Variants in MAST2 observed in about 807,000 individuals in gnomAD.
MAST2 encodes the protein microtubule-associated serine/threonine-protein kinase 2.
In MAST2, 70 loss-of-function variants were observed where a neutral mutation model predicts 147.4. The ratio of observed to expected loss-of-function variants is 0.47; its 90% confidence interval spans 0.39 to 0.58. The LOEUF is 0.58. Among genes scored for constraint, MAST2 ranks in the 20% least tolerant of loss-of-function variants. The pLI, the probability that MAST2 is intolerant of heterozygous loss-of-function variation, is 0.00. For missense variants in MAST2, 2,080 were observed against 2,302.3 expected, an observed-to-expected ratio of 0.90 and a Z score of 1.98; for synonymous variants, 869 against 896.8, an observed-to-expected ratio of 0.97 and a Z score of 0.55.
chr1:45,927,997 A>G (rs1002472912), intron 4 of MAST2, among the ~76,000 whole-genome samples: 1 of 152,222 alleles, frequency 6.6e-6, no homozygotes, highest in East Asian at 1.9e-4. Flanking sequence ...TACTTGCCTA[A>G]GAGCAGGAAG....
intron 11 of MAST2, 146 bp downstream of exon 11, chr1:46,019,843 G>A (rs1303175885): frequency 1.4e-6 from 1 of 702,144 alleles, no homozygotes; most frequent in African/African-American, 1.8e-5. Context: ...ACCATTGGGG[G>A]ACTAAACAGG....
At chr1:45,919,795 T>G (rs995800365) in intron 4 of MAST2, among the ~76,000 whole-genome samples, 58 of 150,750 alleles carry the variant, frequency 3.8e-4, no homozygotes, top group Non-Finnish European at 6.4e-4. Flanking sequence ...TTTCATGTTT[T>G]TTTTTTTTTT....
intron 4 of MAST2, among the ~76,000 whole-genome samples, chr1:45,930,914 T>C (rs1470386512): frequency 2.0e-5 from 3 of 152,224 alleles, no homozygotes; most frequent in Admixed American, 2.0e-4. Flanking sequence ...TTATCTGGCC[T>C]TTACAGAAAA....
intron 26 of MAST2, 143 bp downstream of exon 26, chr1:46,032,861 G>A (rs938886753): frequency 8.9e-7 from 1 of 1,120,510 alleles, no homozygotes; most frequent in African/African-American, 1.6e-5. Flanking sequence ...CGGGCGCGGT[G>A]GCTCATGCCT....
At chr1:45,921,999 G>A (rs925990299) in intron 4 of MAST2, among the ~76,000 whole-genome samples, 2 of 152,190 alleles carry the variant, frequency 1.3e-5, no homozygotes, top group Admixed American at 1.3e-4. Context: ...GAGGGGACCC[G>A]CAGTGGGTAG....
intron 1 of MAST2, among the ~76,000 whole-genome samples, chr1:45,816,191 T>G (rs1359330814): frequency 7.9e-5 from 5 of 63,488 alleles, no homozygotes; most frequent in Admixed American, 1.7e-4. Flanking sequence ...GGCAGCTTGG[T>G]ATTGGGGGTG....
At chr1:45,839,041 T>A (rs1040674625) in intron 3 of MAST2, among the ~76,000 whole-genome samples, 1 of 152,116 alleles carries the variant, frequency 6.6e-6, no homozygotes, top group Non-Finnish European at 1.5e-5. Context: ...GGGTGTGATC[T>A]TGGCTCACTG....
chr1:45,900,611 G>A lies in MAST2; in HGVS notation c.500+18216G>A, dbSNP rs1193397401. Reference sequence around the variant, plus strand: ...CTCCCGAGTAGCTGGGACTACAGGCGCCCGCCACCGCGCCCGGCTAATTTT... The same window carrying A: ...CTCCCGAGTAGCTGGGACTACAGGCACCCGCCACCGCGCCCGGCTAATTTT... On this transcript the variant is annotated intron_variant, in intron 4 of 28. Transcript: ENST00000361297. 4.9e-5 allele frequency among the ~76,000 whole-genome samples: 2 copies of A among 40,714 alleles called. 1 individual carries two copies. Among genetic ancestry groups the A allele is most frequent in the African/African-American group, 3.3e-4 (2 of 6,034 alleles). 26.7% of individuals were successfully genotyped at this position (40,714 alleles called of 152,430 possible). A position where few individuals can be genotyped will look rare whatever the true frequency, so the allele number is the denominator to read the frequency against.
chr1:46,034,689 C>T lies in MAST2; in HGVS notation c.4020C>T (p.Ser1340=). The T allele has an allele frequency of 2.5e-6, 4 of 1,614,194 alleles. No homozygotes were observed. The highest frequency in any genetic ancestry group is 3.4e-6 in the Non-Finnish European group (4 of 1,180,044). Residue 1340 remains serine (S), a synonymous_variant, in exon 29 of 29, where the codon AGC becomes AGT. Transcript: ENST00000361297. ...CTCCACGGCGCAAGTCAGCAGGCAG[C>T]ATCCCACTGTCACCACTGGCCCACA... ...YRSPRRKSAG[S]IPLSPLAHTP...
chr1:45,947,144 G>A (rs2148834380), intron 4 of MAST2, among the ~76,000 whole-genome samples: 1 of 152,150 alleles, frequency 6.6e-6, no homozygotes, highest in East Asian at 1.9e-4. Flanking sequence ...TCCAAATAAA[G>A]GGATAATAAT....
Position 46,034,868 on chromosome 1 carries a change from C to T in MAST2, c.4199C>T (p.Pro1400Leu), listed in dbSNP as rs1320276421. 1 of 1,614,248 alleles carries T rather than the reference C, an allele frequency of 6.2e-7. No homozygotes were observed. Among genetic ancestry groups the T allele is most frequent in the Non-Finnish European group, 8.5e-7 (1 of 1,180,042 alleles). The change falls in exon 29 of 29, where the codon CCA (proline) becomes CTA (leucine). Residue 1400 changes from proline to leucine, a missense_variant. Pro to Leu is a moderately conservative substitution (Grantham distance 98). This residue lies in a region of MAST2 where 1,278 missense variants were observed against 1,304.2 expected (regional missense o/e 0.98). Transcript: ENST00000361297. ...RPKSAEPPRSPLLKRVQSAEK... is the reference protein window; with the variant it reads ...RPKSAEPPRSLLLKRVQSAEK... The stretch of plus-strand genomic sequence containing the variant: ...AAGAGTGCGGAGCCACCCCGTTCAC[C>T]ACTACTCAAGAGGGTGCAGTCGGCT...
intron 1 of MAST2, among the ~76,000 whole-genome samples, chr1:45,817,550 C>A (rs928305754): frequency 2.6e-5 from 4 of 152,138 alleles, no homozygotes; most frequent in African/African-American, 9.7e-5. Flanking sequence ...TTCATCAACA[C>A]CAGACCTGTC....
chr1:46,030,301 C>CAG, intron 21 of MAST2, 63 bp downstream of exon 21: 1 of 1,494,502 alleles, frequency 6.7e-7, no homozygotes, highest in Non-Finnish European at 9.2e-7. Context: ...GAGGGCCTGT[C>CAG]AAAGGGCACA....
At chr1:45,990,332 G>A (rs895921642) in intron 5 of MAST2, among the ~76,000 whole-genome samples, 5 of 152,168 alleles carry the variant, frequency 3.3e-5, no homozygotes, top group African/African-American at 1.2e-4. Flanking sequence ...TTTGCTATCT[G>A]TATATCTTTG....
At chr1:45,997,665 C>A (rs1408926030) in intron 5 of MAST2, 59 bp from the exon 6 acceptor site, 2 of 1,321,340 alleles carry the variant, frequency 1.5e-6, no homozygotes, top group Non-Finnish European at 1.1e-6. Flanking sequence ...GCCCGAAAGT[C>A]ATGTCCACCC....
chr1:46,003,847 G>A (rs1378607021), intron 7 of MAST2, among the ~76,000 whole-genome samples: 2 of 152,134 alleles, frequency 1.3e-5, no homozygotes, highest in African/African-American at 2.4e-5. Context: ...AAATGTTTTA[G>A]TCTTTGAAGG....
At position 46,035,032 on chromosome 1, in the gene MAST2, A is replaced by G; in HGVS notation, c.4363A>G (p.Arg1455Gly). 1 of 1,613,954 alleles carries G rather than the reference A, an allele frequency of 6.2e-7. No individual in the cohort carries two copies. The highest frequency in any genetic ancestry group is 8.5e-7 in the Non-Finnish European group (1 of 1,180,012). Residue 1455 changes from arginine (R) to glycine (G), a missense_variant, in exon 29 of 29, where the codon AGG becomes GGG. By Grantham distance (125) the Arg-to-Gly change is moderately radical. Transcript: ENST00000361297. This position sits in a 1 kb window ranked among gnomAD's most constrained non-coding sequence, Gnocchi z 5.5. ...GAGCCCTCTGGAGGTAGTTGGAGCC[A>G]GGAGTGTGCTGTCTGGCAAGGGGGC... ...EVSPLEVVGA[R>G]SVLSGKGALP...
At chr1:45,882,308 A>G in intron 3 of MAST2, 56 bp from the exon 4 acceptor site, 1 of 1,212,386 alleles carries the variant, frequency 8.2e-7, no homozygotes, top group Non-Finnish European at 1.2e-6. Flanking sequence ...ATTTAGGTAG[A>G]CCAACAGGAC....
chr1:45,892,826 TG>T (rs1173763953), intron 4 of MAST2, among the ~76,000 whole-genome samples: 1 of 152,186 alleles, frequency 6.6e-6, no homozygotes, highest in Non-Finnish European at 1.5e-5. Context: ...TTTTGTCACA[TG>T]TAAAATGAGA....
Sources: allele counts gnomAD v4.1 joint callset (sites outside exome capture counted in the v4.1 genomes callset), GRCh38; gene constraint gnomAD v4.1.1; regional missense constraint gnomAD v4.1.1; non-coding constraint Gnocchi (gnomAD v3.1); transcripts MANE v1.5; gene names NCBI Gene and HGNC (gene_info 2026-07-23, HGNC 2026-07-21).